ZDHHC7: variants seen among roughly 807,000 people sequenced by gnomAD.
ZDHHC7 encodes the protein zDHHC palmitoyltransferase 7, also known as palmitoyltransferase ZDHHC7.
ZDHHC7 carries 12 observed loss-of-function variants against 34.1 expected under a neutral mutation model. That is an observed-to-expected ratio of 0.35 (90% CI 0.23 to 0.57). The LOEUF (loss-of-function observed/expected upper bound fraction) is 0.57. Among genes scored for constraint, ZDHHC7 ranks in the 20% least tolerant of loss-of-function variants. The probability of loss-of-function intolerance (pLI) is 0.84; values close to 1 mark genes in which losing one functional copy is unlikely to be tolerated. For missense variants in ZDHHC7, 388 were observed against 402.7 expected, an observed-to-expected ratio of 0.96 and a Z score of 0.31; for synonymous variants, 185 against 155.4, an observed-to-expected ratio of 1.19 and a Z score of -1.42.
chr16:85,022,020 C>T, the ZDHHC7 span, among the ~76,000 whole-genome samples: 3 of 150,758 alleles, frequency 2.0e-5, no homozygotes, highest in Non-Finnish European at 4.4e-5. Context: ...ATTAGCCAGG[C>T]GTGGTGGCGG....
intron 3 of ZDHHC7, among the ~76,000 whole-genome samples, chr16:84,982,480 G>A (rs2072383536): frequency 1.3e-5 from 2 of 152,256 alleles, no homozygotes; most frequent in Non-Finnish European, 2.9e-5. Flanking sequence ...GGCACTGACT[G>A]TCCCCAGGTG....
At chr16:85,025,333 G>T in the ZDHHC7 span, among the ~76,000 whole-genome samples, 1 of 151,702 alleles carries the variant, frequency 6.6e-6, no homozygotes, top group Non-Finnish European at 1.5e-5. Flanking sequence ...GAGTGGGAGA[G>T]ACCAAGTTCT....
chr16:84,993,527 A>T (rs1488851471), intron 2 of ZDHHC7, among the ~76,000 whole-genome samples: 2 of 151,722 alleles, frequency 1.3e-5, no homozygotes, highest in Non-Finnish European at 2.9e-5. Flanking sequence ...CTATAGTCCC[A>T]GCTGTTTGGG....
At chr16:84,981,794 G>A (rs986038767) in intron 4 of ZDHHC7, 76 bp downstream of exon 4, 15 of 1,606,418 alleles carry the variant, frequency 9.3e-6, no homozygotes, top group East Asian at 2.2e-5. Context: ...GGTGGTGGGC[G>A]CACTCTGGTT....
At chr16:84,997,267 C>CTTTTT (rs34612029) in intron 1 of ZDHHC7, among the ~76,000 whole-genome samples, 2 of 111,312 alleles carry the variant, frequency 1.8e-5, no homozygotes, top group African/African-American at 3.9e-5. Flanking sequence ...CTAAATTTTC[C>CTTTTT]TTTTTTTTTT....
rs1057325894 is a variant in ZDHHC7 at position 84,975,353 on chromosome 16, C to CCA, written c.*988_*989dup. ...CTCCAGTAAGGATGCCTCCCCTGCC[C>CCA]CACACACAGCATCGGGCTGCCCCAA... is the stretch of plus-strand genomic sequence containing the variant. On this transcript the variant is annotated 3_prime_UTR_variant, in exon 8 of 8. Transcript: ENST00000313732. The CCA allele has an allele frequency of 6.6e-6, 1 of 152,456 alleles. No homozygotes were observed. Among genetic ancestry groups the CCA allele is most frequent in the African/African-American group, 2.4e-5 (1 of 41,470 alleles). 9.4% of individuals were successfully genotyped at this position (152,456 alleles called of 1,614,324 possible).
chr16:84,997,427 C>T (rs193031584), intron 1 of ZDHHC7, among the ~76,000 whole-genome samples: 4 of 151,202 alleles, frequency 2.6e-5, no homozygotes, highest in South Asian at 4.2e-4. Flanking sequence ...CACCACCACA[C>T]CCAGCTAATT....
At chr16:85,004,535 A>T (rs1454267628) in intron 1 of ZDHHC7, among the ~76,000 whole-genome samples, 1 of 89,158 alleles carries the variant, frequency 1.1e-5, no homozygotes, top group Admixed American at 1.2e-4. Context: ...ATCCCACCCC[A>T]CCCCCCACTC....
At chr16:84,981,509 C>A (rs1259739018) in intron 4 of ZDHHC7, among the ~76,000 whole-genome samples, 1 of 152,210 alleles carries the variant, frequency 6.6e-6, no homozygotes, top group Non-Finnish European at 1.5e-5. Context: ...TTCTGGCCCC[C>A]ACACAGGATG....
chr16:85,007,076 T>A (rs9937746), intron 1 of ZDHHC7, among the ~76,000 whole-genome samples: 1 of 151,674 alleles, frequency 6.6e-6, no homozygotes, highest in Non-Finnish European at 1.5e-5. Flanking sequence ...GGGCCCCATA[T>A]GGAGTCTGGG....
chr16:85,020,912 C>T, the ZDHHC7 span, among the ~76,000 whole-genome samples: 1 of 151,726 alleles, frequency 6.6e-6, no homozygotes, highest in Non-Finnish European at 1.5e-5. Context: ...TGAGACCAGT[C>T]TGGGCAACAT....
chr16:84,974,395 C>T lies in ZDHHC7; in HGVS notation c.*1948G>A, dbSNP rs1159977104. On this transcript the variant is annotated 3_prime_UTR_variant, in exon 8 of 8. Coordinates refer to ENST00000313732, the MANE Select transcript of ZDHHC7 (RefSeq NM_017740.3). ...CCTTAACAGCCTGGGGCTGGGCCCA[C>T]GAAGCACGGAAAGGCACCCCCTGAA... 1.3e-5 allele frequency: 2 copies of T among 152,090 alleles called. No homozygotes were observed. Among genetic ancestry groups the T allele is most frequent in the African/African-American group, 2.4e-5 (1 of 41,418 alleles). 9.4% of individuals were successfully genotyped at this position (152,090 alleles called of 1,614,324 possible).
rs183555208 is a variant in ZDHHC7, at chr16:85,011,103, C to A, written c.-104+183G>T. 4.6e-3 allele frequency among the ~76,000 whole-genome samples: 696 copies of A among 152,340 alleles called. 20 individuals carry two copies. Among genetic ancestry groups the A allele is most frequent in the Admixed American group, 0.034 (525 of 15,310 alleles). Reference sequence around the variant, plus strand: ...GAGCAACTAAGGAATGACAAGGGGGCACCTGGAAGGGAAGTCAGGTGCGGG... The same window carrying A: ...GAGCAACTAAGGAATGACAAGGGGGAACCTGGAAGGGAAGTCAGGTGCGGG... On this transcript the variant is annotated intron_variant, in intron 1 of 7. Coordinates refer to ENST00000313732, the MANE Select transcript of ZDHHC7 (RefSeq NM_017740.3).
At chr16:85,007,673 G>C (rs2072736140) in intron 1 of ZDHHC7, among the ~76,000 whole-genome samples, 1 of 152,004 alleles carries the variant, frequency 6.6e-6, no homozygotes, top group Admixed American at 6.5e-5. Context: ...AATGACTGAT[G>C]GATATTCGAA....
chr16:85,009,121 T>C (rs60561130), intron 1 of ZDHHC7, among the ~76,000 whole-genome samples: 2,381 of 152,134 alleles, frequency 0.016, 80 homozygotes, highest in African/African-American at 0.054. Context: ...AGTAAAATTA[T>C]CTTGTATAGT....
rs532701625 is a variant in ZDHHC7, at chr16:84,991,950, A to T, written c.-17-1315T>A. Among the ~76,000 whole-genome samples, 5 of 152,152 alleles carry T rather than the reference A, an allele frequency of 3.3e-5. 1 individual carries two copies. The highest frequency in any genetic ancestry group is 1.2e-4 in the African/African-American group (5 of 41,538). ...CACAGTGGCTCATGCCTGTAATCCCAGCACTTTGGGAGGTCAGGAGTTTGA... is the reference window on the plus strand; with the variant it reads ...CACAGTGGCTCATGCCTGTAATCCCTGCACTTTGGGAGGTCAGGAGTTTGA... On this transcript the variant is annotated intron_variant, in intron 2 of 7. Coordinates refer to ENST00000313732, the MANE Select transcript of ZDHHC7 (RefSeq NM_017740.3).
chr16:85,001,090 C>A (rs2072646667), intron 1 of ZDHHC7, among the ~76,000 whole-genome samples: 1 of 152,118 alleles, frequency 6.6e-6, no homozygotes. Flanking sequence ...GAACCACAGC[C>A]TGAATGCCAC....
intron 2 of ZDHHC7, among the ~76,000 whole-genome samples, chr16:84,992,428 G>A (rs1028336754): frequency 6.6e-6 from 1 of 152,228 alleles, no homozygotes; most frequent in African/African-American, 2.4e-5. Flanking sequence ...AGCCGAGATC[G>A]TACCACGGCA....
intron 2 of ZDHHC7, among the ~76,000 whole-genome samples, chr16:84,995,177 C>G (rs942887120): frequency 2.6e-5 from 4 of 152,214 alleles, no homozygotes; most frequent in African/African-American, 7.2e-5. Context: ...GCCCCAGCAT[C>G]ACTCTTCTAC....
Sources: gnomAD v4.1 joint callset for allele counts (sites outside exome capture counted in the v4.1 genomes callset) on GRCh38, gnomAD v4.1.1 for gene constraint, MANE v1.5 for transcripts, NCBI Gene and HGNC (gene_info 2026-07-23, HGNC 2026-07-21) for gene names.